The following ZNF385D variants were observed in gnomAD, a reference collection of about 807,000 sequenced individuals.
ZNF385D encodes the protein zinc finger protein 385D.
ZNF385D carries 15 observed loss-of-function variants against 35.8 expected under a neutral mutation model. The observed-to-expected ratio is 0.42, with a 90% CI of 0.28 to 0.64. The LOEUF (loss-of-function observed/expected upper bound fraction) is 0.64. Ranked by LOEUF, ZNF385D falls within the 30% of genes least tolerant of loss-of-function variation. The pLI is 0.23. For missense variants in ZNF385D, 474 were observed against 494.6 expected, an observed-to-expected ratio of 0.96 and a Z score of 0.39; for synonymous variants, 212 against 186.8, an observed-to-expected ratio of 1.13 and a Z score of -1.10.
intron 2 of ZNF385D, among the ~76,000 whole-genome samples, chr3:21,610,771 TC>T (rs148351938): frequency 0.27 from 33,122 of 124,206 alleles, 5,247 homozygotes; most frequent in African/African-American, 0.5. Context: ...CGAGACTCCG[TC>T]CCCCCCAAAA....
chr3:22,186,914 C>G (rs1695672900), intron 2 of ZNF385D, among the ~76,000 whole-genome samples: 1 of 152,060 alleles, frequency 6.6e-6, no homozygotes. Flanking sequence ...TTACTAACTA[C>G]AAATCTAATT....
At chr3:22,280,257 G>C (rs921990547) in intron 2 of ZNF385D, among the ~76,000 whole-genome samples, 1 of 151,728 alleles carries the variant, frequency 6.6e-6, no homozygotes, top group African/African-American at 2.4e-5. Context: ...TTCTTCTGCT[G>C]TTCAGAAGTT....
At chr3:21,458,270 C>T (rs570922645) in intron 4 of ZNF385D, among the ~76,000 whole-genome samples, 8 of 148,668 alleles carry the variant, frequency 5.4e-5, no homozygotes, top group South Asian at 4.2e-4. Context: ...CCCAAGAGTT[C>T]GAGACCAGCC....
chr3:21,545,464 G>A lies in ZNF385D; in HGVS notation c.276+19110C>T, dbSNP rs2062337999. On this transcript the variant is annotated intron_variant, in intron 3 of 7. Coordinates refer to ENST00000281523, the MANE Select transcript of ZNF385D (RefSeq NM_024697.3). ...TTTCAGAGTCAAGGAAACTTATTTT[G>A]AACTATTTAAAGTTTTTTAATAAAT... Among the ~76,000 whole-genome samples, 3 of 152,238 alleles carry A rather than the reference G, an allele frequency of 2.0e-5. 1 individual carries two copies. The highest frequency in any genetic ancestry group is 2.0e-4 in the Admixed American group (3 of 15,304).
intron 4 of ZNF385D, among the ~76,000 whole-genome samples, chr3:21,459,735 C>G (rs1575184077): frequency 2.0e-5 from 3 of 152,122 alleles, no homozygotes; most frequent in African/African-American, 7.2e-5. Context: ...GTATCATAAA[C>G]TATTATGTTG....
At chr3:21,462,941 C>A (rs926297667) in intron 4 of ZNF385D, among the ~76,000 whole-genome samples, 2 of 152,106 alleles carry the variant, frequency 1.3e-5, no homozygotes, top group African/African-American at 4.8e-5. Context: ...GAGATCGCAC[C>A]ACTGCACTCC....
intron 3 of ZNF385D, among the ~76,000 whole-genome samples, chr3:21,967,010 G>C (rs777610480): frequency 2.6e-5 from 4 of 152,018 alleles, no homozygotes; most frequent in Non-Finnish European, 5.9e-5. Flanking sequence ...AATTCTAAAA[G>C]AACACACATA....
At chr3:21,498,041 T>G (rs1706050139) in intron 4 of ZNF385D, among the ~76,000 whole-genome samples, 2 of 151,588 alleles carry the variant, frequency 1.3e-5, no homozygotes, top group Admixed American at 1.3e-4. Flanking sequence ...TGAAACAGAA[T>G]AGAAAGCCCA....
chr3:21,867,396 G>A (rs2125840454), intron 3 of ZNF385D, among the ~76,000 whole-genome samples: 1 of 152,206 alleles, frequency 6.6e-6, no homozygotes, highest in Non-Finnish European at 1.5e-5. Flanking sequence ...CACCTCTCCA[G>A]GTGATTCCAT....
intron 3 of ZNF385D, among the ~76,000 whole-genome samples, chr3:22,011,895 C>T (rs571960232): frequency 6.6e-5 from 10 of 152,164 alleles, no homozygotes; most frequent in Admixed American, 3.9e-4. Context: ...TATAGTAGCA[C>T]CAACAAATAA....
chr3:22,229,962 T>TA (rs1698789735), intron 2 of ZNF385D, among the ~76,000 whole-genome samples: 1 of 152,210 alleles, frequency 6.6e-6, no homozygotes, highest in African/African-American at 2.4e-5. Context: ...AACACCTTGC[T>TA]ACCTATACTT....
intron 3 of ZNF385D, among the ~76,000 whole-genome samples, chr3:21,536,300 A>G (rs2062034686): frequency 6.6e-6 from 1 of 152,090 alleles, no homozygotes; most frequent in Admixed American, 6.5e-5. Context: ...CCATGACCAG[A>G]AAAAGTATTA....
chr3:21,751,506 C>T, upstream of ZNF385D: 2 of 944,318 alleles, frequency 2.1e-6, no homozygotes, highest in South Asian at 4.9e-5. Flanking sequence ...CCCCGCCCCT[C>T]CTGTGAATGC....
intron 2 of ZNF385D, among the ~76,000 whole-genome samples, chr3:22,322,555 A>T (rs1694490625): frequency 6.6e-6 from 1 of 152,102 alleles, no homozygotes; most frequent in African/African-American, 2.4e-5. Flanking sequence ...TTTCTCACCG[A>T]CCCAGCCCTT....
chr3:22,075,868 C>T (rs1446884287), intron 3 of ZNF385D, among the ~76,000 whole-genome samples: 1 of 151,922 alleles, frequency 6.6e-6, no homozygotes, highest in East Asian at 1.9e-4. Context: ...CTCTTCTTGT[C>T]TTCCCAAACT....
intron 3 of ZNF385D, among the ~76,000 whole-genome samples, chr3:22,088,392 G>A (rs1480229815): frequency 2.0e-5 from 3 of 152,140 alleles, no homozygotes; most frequent in African/African-American, 7.2e-5. Flanking sequence ...TCAGTCTGGT[G>A]AGCCACTTGT....
At chr3:22,167,094 C>T (rs1706384971) in intron 3 of ZNF385D, among the ~76,000 whole-genome samples, 1 of 152,144 alleles carries the variant, frequency 6.6e-6, no homozygotes, top group Non-Finnish European at 1.5e-5. Context: ...CTGGTGAAAC[C>T]CCACCTCCAA....
chr3:22,129,335 A>T (rs548840238), intron 3 of ZNF385D, among the ~76,000 whole-genome samples: 1 of 152,224 alleles, frequency 6.6e-6, no homozygotes, highest in African/African-American at 2.4e-5. Context: ...TTCCTTGGAT[A>T]CTGCTGAGTT....
At chr3:22,113,465 G>A (rs1164197904) in intron 3 of ZNF385D, among the ~76,000 whole-genome samples, 2 of 152,032 alleles carry the variant, frequency 1.3e-5, no homozygotes, top group Non-Finnish European at 2.9e-5. Context: ...ATGAATTGAT[G>A]AACTTAGCTA....
Sources: allele counts gnomAD v4.1 joint callset (sites outside exome capture counted in the v4.1 genomes callset), GRCh38; gene constraint gnomAD v4.1.1; transcripts MANE v1.5; gene names NCBI Gene and HGNC (gene_info 2026-07-23, HGNC 2026-07-21).